Variants in BRWD1 observed in about 807,000 individuals in gnomAD.
The protein encoded by BRWD1 is bromodomain and WD repeat domain containing 1.
Under a neutral mutation model 251.2 loss-of-function variants are expected in BRWD1, and 82 were observed. That is an observed-to-expected ratio of 0.33 (90% CI 0.27 to 0.39). The LOEUF (loss-of-function observed/expected upper bound fraction) is 0.39. BRWD1 is among the 10% of genes least tolerant of loss of function. The pLI, the probability that BRWD1 is intolerant of heterozygous loss-of-function variation, is 1.00. For synonymous variants in BRWD1, 918 were observed against 902.8 expected (o/e 1.02, Z -0.30); for missense variants, 2,233 against 2,711.6 (o/e 0.82, Z 3.92).
rs759363761 is a variant in BRWD1 at position 39,187,411 on chromosome 21, A to T, written c.*8848T>A. ...TGTATTGGGTTCTCTGTCTCTAGGA[A>T]CAAATTCTGAAAAATGAGTGAAAGT... On this transcript the variant is annotated 3_prime_UTR_variant, in exon 41 of 41. Coordinates refer to ENST00000342449, the MANE Select transcript of BRWD1 (RefSeq NM_033656.4). 1.9e-6 allele frequency: 3 copies of T among 1,548,712 alleles called. No homozygotes were observed. The highest frequency in any genetic ancestry group is 1.2e-5 in the South Asian group (1 of 81,272).
chr21:39,307,938 A>C (rs79684729), intron 4 of BRWD1, among the ~76,000 whole-genome samples: 14,689 of 152,242 alleles, frequency 0.096, 832 homozygotes, highest in East Asian at 0.14. Flanking sequence ...ACACTTAATG[A>C]TCATGGTAGT....
chr21:39,315,264 G>A (rs577003559), upstream of BRWD1, among the ~76,000 whole-genome samples: 2 of 150,678 alleles, frequency 1.3e-5, no homozygotes, highest in Non-Finnish European at 3.0e-5. Context: ...TTGGCCTCCC[G>A]AAGTGCTGGG....
At position 39,238,527 on chromosome 21, in the gene BRWD1, T is replaced by C. The variant is rs1388537366; in HGVS notation, c.2528A>G (p.Asp843Gly). 5.6e-6 allele frequency: 9 copies of C among 1,613,598 alleles called. No individual in the cohort carries two copies. The highest frequency in any genetic ancestry group is 1.3e-5 in the African/African-American group (1 of 74,890). The change falls in exon 22 of 41, where the codon GAT becomes GGT. Residue 843 changes from aspartate (D) to glycine (G), a missense_variant. Around this residue, in one of 12 missense-constraint regions of BRWD1, gnomAD observed 214 missense variants for 222.0 expected, o/e 0.96. Coordinates refer to ENST00000342449, the MANE Select transcript of BRWD1 (RefSeq NM_033656.4). Reference protein sequence around the residue: ...QSEGSGSSEEDEWRSDRKSES... With the variant: ...QSEGSGSSEEGEWRSDRKSES... ...ACTTTTTCTGTCACTTCTCCATTCA[T>C]CCTCTTCTGAAGAACCAGAACCTTC...
intron 17 of BRWD1, among the ~76,000 whole-genome samples, chr21:39,262,547 T>G (rs1050677477): frequency 6.6e-6 from 1 of 152,040 alleles, no homozygotes; most frequent in African/African-American, 2.4e-5. Context: ...AAACCCCATC[T>G]CTCCTAAAAA....
At chr21:39,311,064 TAGCCAAATCAC>T (rs1027308486) in intron 4 of BRWD1, among the ~76,000 whole-genome samples, 6 of 150,726 alleles carry the variant, frequency 4.0e-5, no homozygotes, top group Admixed American at 3.9e-4. Flanking sequence ...CCATATGTCA[TAGCCAAATCAC>T]AGCCATATTA....
chr21:39,283,814 C>A (rs796834221), intron 8 of BRWD1, among the ~76,000 whole-genome samples: 1 of 152,262 alleles, frequency 6.6e-6, no homozygotes, highest in African/African-American at 2.4e-5. Flanking sequence ...CAAGGCCAGT[C>A]GCCAATGACT....
At chr21:39,250,380 A>G (rs1328652675) in intron 20 of BRWD1, among the ~76,000 whole-genome samples, 9 of 152,208 alleles carry the variant, frequency 5.9e-5, no homozygotes, top group Admixed American at 1.3e-4. Flanking sequence ...CAGGCAATAG[A>G]AAATGGTCCA....
chr21:39,318,706 A>G (rs2036721281), upstream of BRWD1, among the ~76,000 whole-genome samples: 1 of 152,026 alleles, frequency 6.6e-6, no homozygotes, highest in African/African-American at 2.4e-5. Flanking sequence ...GTGCAGTGGT[A>G]CAGTCAGAGC....
intron 18 of BRWD1, among the ~76,000 whole-genome samples, chr21:39,256,842 G>A (rs967597002): frequency 2.0e-5 from 3 of 152,178 alleles, no homozygotes; most frequent in African/African-American, 7.2e-5. Flanking sequence ...AAAAATCCAC[G>A]AGTGAATGCA....
At chr21:39,296,084 ATTT>A (rs1244046882) in intron 6 of BRWD1, among the ~76,000 whole-genome samples, 178 bp downstream of exon 6, 3 of 152,152 alleles carry the variant, frequency 2.0e-5, no homozygotes, top group Non-Finnish European at 2.9e-5. Context: ...CTATAAAAAG[ATTT>A]TTTATTAATT....
At position 39,197,183 on chromosome 21, in the gene BRWD1, TTTCC is replaced by T; in HGVS notation, c.5882_5885del (p.Arg1961LysfsTer15). ...TAGTACAAGCAAGATGGAGAGGTTT[TTTCC>T]TTCCATTTTTGCTTCTAGTGTGCAC... On this transcript the variant is annotated frameshift_variant, in exon 41 of 41. Coordinates refer to ENST00000342449, the MANE Select transcript of BRWD1 (RefSeq NM_033656.4). LOFTEE classifies it low-confidence loss of function (END_TRUNC). 1 of 1,614,130 alleles carries T rather than the reference TTTCC, an allele frequency of 6.2e-7. No homozygotes were observed. Among genetic ancestry groups the T allele is most frequent in the Non-Finnish European group, 8.5e-7 (1 of 1,179,976 alleles).
In BRWD1 at chr21:39,255,720, T is replaced by C; in HGVS notation, c.2180A>G (p.Gln727Arg). The C allele has an allele frequency of 6.2e-7, 1 of 1,614,202 alleles. No individual in the cohort carries two copies. The highest frequency in any genetic ancestry group is 8.5e-7 in the Non-Finnish European group (1 of 1,180,036). ...CTGCAGGTCACGTTCTGTAGCAATC[T>C]GACTGCGTGGAGCGTTTTGATGCAT... ...RQMHQNAPRSQIATERDLQAW... is the reference protein window; with the variant it reads ...RQMHQNAPRSRIATERDLQAW... Residue 727 changes from glutamine to arginine, a missense_variant, in exon 19 of 41, where the codon CAG becomes CGG. By Grantham distance (43) the Gln-to-Arg change is conservative. This residue lies in a region of BRWD1 where 35 missense variants were observed against 76.3 expected (regional missense o/e 0.46). Coordinates refer to ENST00000342449, the MANE Select transcript of BRWD1 (RefSeq NM_033656.4).
chr21:39,223,039 T>A (rs150978356), intron 29 of BRWD1, among the ~76,000 whole-genome samples: 2,097 of 152,194 alleles, frequency 0.014, 45 homozygotes, highest in African/African-American at 0.048. Context: ...TTCAAAAGCC[T>A]TAAAGTCATG....
At position 39,213,549 on chromosome 21, in the gene BRWD1, G is replaced by C. The variant is rs2032755409; in HGVS notation, c.3790C>G (p.Gln1264Glu). Residue 1264 changes from glutamine to glutamate, a missense_variant, in exon 33 of 41, where the codon CAA becomes GAA. Transcript: ENST00000342449. ...AGTTCTGAGATATTTGTACAGTGTT[G>C]ATTCCTAAAAAACAAATTTTCACTT... Reference protein sequence around the residue: ...TDQLLKFIKNQHCTNISELSN... With the variant: ...TDQLLKFIKNEHCTNISELSN... The C allele has an allele frequency of 3.7e-6, 6 of 1,604,256 alleles. No homozygotes were observed. In the Admixed American group the frequency reaches 1.0e-4, roughly 28 times the overall value.
intron 37 of BRWD1, among the ~76,000 whole-genome samples, chr21:39,202,896 T>C (rs1047024025): frequency 6.6e-6 from 1 of 152,194 alleles, no homozygotes; most frequent in Non-Finnish European, 1.5e-5. Flanking sequence ...TAAGCCTCAA[T>C]AGGACCCAAC....
chr21:39,257,056 T>C (rs2836962), intron 18 of BRWD1, among the ~76,000 whole-genome samples: 15,487 of 152,212 alleles, frequency 0.1, 923 homozygotes, highest in East Asian at 0.14. Flanking sequence ...GCCCAAGTCA[T>C]AGCATTATTC....
chr21:39,296,063 T>A (rs182968727), intron 6 of BRWD1, among the ~76,000 whole-genome samples, 160 bp from the exon 7 acceptor site: 3 of 152,246 alleles, frequency 2.0e-5, no homozygotes, highest in African/African-American at 7.2e-5. Context: ...TTCAGTAACA[T>A]AGACTTCTTA....
intron 23 of BRWD1, 63 bp from the exon 24 acceptor site, chr21:39,232,561 G>T: frequency 1.3e-6 from 2 of 1,535,880 alleles, no homozygotes; most frequent in Non-Finnish European, 1.7e-6. Context: ...CTGTCTGAAT[G>T]AAAAATAAAA....
chr21:39,276,449 G>C (rs1198197404), intron 11 of BRWD1, among the ~76,000 whole-genome samples: 1 of 152,120 alleles, frequency 6.6e-6, no homozygotes, highest in Non-Finnish European at 1.5e-5. Context: ...AGGAAAAAAA[G>C]CCTTGCTTCT....
Sources: allele counts gnomAD v4.1 joint callset (sites outside exome capture counted in the v4.1 genomes callset), GRCh38; gene constraint gnomAD v4.1.1; regional missense constraint gnomAD v4.1.1; transcripts MANE v1.5; gene names NCBI Gene and HGNC (gene_info 2026-07-23, HGNC 2026-07-21).